The following CECR2 variants were observed in gnomAD, a reference collection of about 807,000 sequenced individuals.
CECR2 encodes the protein chromatin remodeling regulator CECR2.
A neutral mutation model predicts 154.5 loss-of-function variants in CECR2; 30 were observed. That is an observed-to-expected ratio of 0.19 (90% CI 0.15 to 0.26). The LOEUF is 0.26. Among genes scored for constraint, CECR2 ranks in the 10% least tolerant of loss-of-function variants. The pLI, the probability that CECR2 is intolerant of heterozygous loss-of-function variation, is 1.00. For missense variants in CECR2, 1,743 were observed against 1,829.3 expected (o/e 0.95, Z 0.86); for synonymous variants, 725 against 683.7 (o/e 1.06, Z -0.94).
chr22:17,381,571 G>A (rs955938651), intron 1 of CECR2, among the ~76,000 whole-genome samples: 2 of 152,082 alleles, frequency 1.3e-5, no homozygotes, highest in African/African-American at 4.8e-5. Flanking sequence ...TTTTAAAAAA[G>A]GGAAAATCTC....
chr22:17,532,256 G>A (rs905730972), intron 9 of CECR2, among the ~76,000 whole-genome samples: 1 of 152,104 alleles, frequency 6.6e-6, no homozygotes, highest in African/African-American at 2.4e-5. Context: ...TAACCAGGTG[G>A]CATAAAATAG....
intron 16 of CECR2, among the ~76,000 whole-genome samples, chr22:17,547,038 CAAAAAA>C (rs1167599171): frequency 3.7e-5 from 2 of 53,822 alleles, no homozygotes; most frequent in African/African-American, 6.4e-5. Context: ...GACTCTGCCT[CAAAAAA>C]AAAAAAAAAA....
At chr22:17,497,613 T>G in intron 3 of CECR2, 27 bp downstream of exon 3, 1 of 1,605,462 alleles carries the variant, frequency 6.2e-7, no homozygotes, top group South Asian at 1.1e-5. Context: ...AACCTTTCCC[T>G]GTAGCTGTGA....
chr22:17,460,717 T>A (rs2054924815), intron 1 of CECR2, among the ~76,000 whole-genome samples: 1 of 152,192 alleles, frequency 6.6e-6, no homozygotes, highest in Non-Finnish European at 1.5e-5. Flanking sequence ...ATCCCCGGTA[T>A]CCTTATGTCC....
intron 8 of CECR2, among the ~76,000 whole-genome samples, chr22:17,515,677 C>CTT (rs35782642): frequency 3.8e-4 from 54 of 140,534 alleles, no homozygotes; most frequent in South Asian, 3.6e-3. Context: ...CACTACCAAC[C>CTT]TTTTTTTTTT....
intron 1 of CECR2, among the ~76,000 whole-genome samples, chr22:17,417,712 G>A (rs1280346762): frequency 6.6e-6 from 1 of 151,942 alleles, no homozygotes; most frequent in African/African-American, 2.4e-5. Context: ...TCTGCCTCCC[G>A]GGTTCAAGGG....
chr22:17,433,895 T>C (rs1194978234), intron 1 of CECR2, among the ~76,000 whole-genome samples: 1 of 152,178 alleles, frequency 6.6e-6, no homozygotes, highest in Non-Finnish European at 1.5e-5. Flanking sequence ...AACCTGTTTC[T>C]GTCATACTAA....
chr22:17,449,295 C>T (rs745780859), intron 1 of CECR2, among the ~76,000 whole-genome samples: 1 of 151,980 alleles, frequency 6.6e-6, no homozygotes, highest in Non-Finnish European at 1.5e-5. Context: ...GTGCTTTATA[C>T]TTCTTACTGG....
rs1296945132 is a variant in CECR2 at position 17,553,991 on chromosome 22, T to C, written c.*1151T>C. ...CAGTTTGAATTTAGGAATATTTCAG[T>C]ATATATAGTTTTTATTCGTTTTAAG... On this transcript the variant is annotated 3_prime_UTR_variant, in exon 19 of 19. Coordinates refer to ENST00000262608, the MANE Select transcript of CECR2 (RefSeq NM_001290047.2). 1 of 152,234 alleles carries C rather than the reference T, an allele frequency of 6.6e-6. No individual in the cohort carries two copies. Among genetic ancestry groups the C allele is most frequent in the Non-Finnish European group, 1.5e-5 (1 of 68,044 alleles). The allele number at this position is 152,234 out of a possible 1,614,324, so 9.4% of individuals were successfully genotyped here. A position where few individuals can be genotyped will look rare whatever the true frequency, so the allele number is the denominator to read the frequency against.
At chr22:17,438,672 C>T (rs116610448) in intron 1 of CECR2, among the ~76,000 whole-genome samples, 3,019 of 151,592 alleles carry the variant, frequency 0.02, 98 homozygotes, top group African/African-American at 0.07. Flanking sequence ...TTAGTGTTAG[C>T]ATATTTTATG....
chr22:17,497,609 T>C, intron 3 of CECR2, 23 bp downstream of exon 3: 10 of 1,608,348 alleles, frequency 6.2e-6, no homozygotes, highest in Non-Finnish European at 8.5e-6. Context: ...GGCGAACCTT[T>C]CCCTGTAGCT....
At chr22:17,384,065 C>T (rs1387293046) in intron 1 of CECR2, among the ~76,000 whole-genome samples, 2 of 152,066 alleles carry the variant, frequency 1.3e-5, no homozygotes, top group African/African-American at 4.8e-5. Flanking sequence ...AAGTCATCCA[C>T]GAAGGTTGGA....
At chr22:17,438,717 C>A (rs1372282956) in intron 1 of CECR2, among the ~76,000 whole-genome samples, 1 of 151,792 alleles carries the variant, frequency 6.6e-6, no homozygotes, top group Non-Finnish European at 1.5e-5. Context: ...AAGTGTGGGC[C>A]AGGGAAGCCA....
chr22:17,455,982 T>A (rs1007056765), intron 1 of CECR2, among the ~76,000 whole-genome samples: 1 of 152,180 alleles, frequency 6.6e-6, no homozygotes, highest in Non-Finnish European at 1.5e-5. Flanking sequence ...AGGGCTCAAC[T>A]GAGGAGGGAT....
chr22:17,518,521 C>T (rs2056099807), intron 8 of CECR2, among the ~76,000 whole-genome samples: 1 of 152,210 alleles, frequency 6.6e-6, no homozygotes, highest in Non-Finnish European at 1.5e-5. Context: ...GGCCATCTTT[C>T]ATGCCTTTGT....
chr22:17,496,434 A>C (rs1415783064), intron 2 of CECR2, among the ~76,000 whole-genome samples: 1 of 151,690 alleles, frequency 6.6e-6, no homozygotes, highest in Non-Finnish European at 1.5e-5. Context: ...CGGGAGGTGG[A>C]GCTTGCAGTG....
intron 1 of CECR2, among the ~76,000 whole-genome samples, chr22:17,376,914 G>A (rs1187764002): frequency 1.3e-5 from 2 of 152,106 alleles, no homozygotes; most frequent in Non-Finnish European, 2.9e-5. Context: ...GGGATTAAAG[G>A]CATGAGCCAC....
chr22:17,500,663 T>C lies in CECR2; in HGVS notation c.578T>C (p.Ile193Thr). Residue 193 changes from isoleucine to threonine, a missense_variant, in exon 5 of 19, where the codon ATT becomes ACT. This residue lies in a region of CECR2 where 292 missense variants were observed against 301.2 expected (regional missense o/e 0.97). Transcript: ENST00000262608. Reference sequence around the variant, plus strand: ...GAAGGACAAAAAAATGTCTCAAGTATTCCTGGAAAAACGGGAAAAAGAAGA... The same window carrying C: ...GAAGGACAAAAAAATGTCTCAAGTACTCCTGGAAAAACGGGAAAAAGAAGA... ...ESEGQKNVSS[I>T]PGKTGKRRGR... 6.4e-7 allele frequency: 1 copy of C among 1,557,072 alleles called. No individual in the cohort carries two copies. Among genetic ancestry groups the C allele is most frequent in the Non-Finnish European group, 8.7e-7 (1 of 1,150,568 alleles).
At chr22:17,509,979 C>CT (rs926930476) in intron 7 of CECR2, among the ~76,000 whole-genome samples, 15 of 152,002 alleles carry the variant, frequency 9.9e-5, no homozygotes, top group South Asian at 6.2e-4. Context: ...TTACTTAAAC[C>CT]TTTTTTTTGT....
Sources: allele counts gnomAD v4.1 joint callset (sites outside exome capture counted in the v4.1 genomes callset), GRCh38; gene constraint gnomAD v4.1.1; regional missense constraint gnomAD v4.1.1; transcripts MANE v1.5; gene names NCBI Gene and HGNC (gene_info 2026-07-23, HGNC 2026-07-21).